NDST1: variants seen among roughly 807,000 people sequenced by gnomAD.
NDST1 encodes the protein bifunctional heparan sulfate N-deacetylase/N-sulfotransferase 1.
A neutral mutation model predicts 92.8 loss-of-function variants in NDST1; 35 were observed. The ratio of observed to expected loss-of-function variants is 0.38; its 90% CI spans 0.29 to 0.50. NDST1 has a LOEUF of 0.50. Among genes scored for constraint, NDST1 ranks in the 20% least tolerant of loss-of-function variants. The pLI, the probability that NDST1 is intolerant of heterozygous loss-of-function variation, is 0.94. For synonymous variants in NDST1, 493 were observed against 500.3 expected (o/e 0.99, Z 0.19); for missense variants, 822 against 1,182.7 (o/e 0.69, Z 4.47).
upstream of NDST1, among the ~76,000 whole-genome samples, chr5:150,505,631 T>C (rs113068968): frequency 2.6e-5 from 4 of 152,182 alleles, no homozygotes; most frequent in African/African-American, 7.2e-5. Context: ...TGACAGGTTA[T>C]CGATGGCAGG....
chr5:150,526,421 A>C (rs1174310022), intron 2 of NDST1, among the ~76,000 whole-genome samples: 1 of 152,222 alleles, frequency 6.6e-6, no homozygotes, highest in Non-Finnish European at 1.5e-5. Flanking sequence ...TGGAATGAAC[A>C]GATGAAACCT....
rs371020778 is a variant in NDST1 at position 150,534,980 on chromosome 5, G to A, written c.1210G>A (p.Val404Met). 31 of 1,614,136 alleles carry A rather than the reference G, an allele frequency of 1.9e-5. No homozygotes were observed. Among genetic ancestry groups the A allele is most frequent in the Non-Finnish European group, 2.3e-5 (27 of 1,180,056 alleles). Residue 404 changes from valine to methionine, a missense_variant, in exon 5 of 15, where the codon GTG becomes ATG. Val to Met is a conservative substitution (Grantham distance 21). Coordinates refer to ENST00000261797, the MANE Select transcript of NDST1 (RefSeq NM_001543.5). ...GCCCCACCTTTTCCACAACCAGTCCGTGTTGGCCGAGCAGATGGCCTTGAA... is the reference window on the plus strand; with the variant it reads ...GCCCCACCTTTTCCACAACCAGTCCATGTTGGCCGAGCAGATGGCCTTGAA... The part of the protein sequence containing the change: ...MQPHLFHNQS[V>M]LAEQMALNKK...
At chr5:150,540,644 T>C (rs936401544) in intron 8 of NDST1, among the ~76,000 whole-genome samples, 2 of 152,172 alleles carry the variant, frequency 1.3e-5, no homozygotes, top group African/African-American at 4.8e-5. Flanking sequence ...GGCGAAACCC[T>C]GTCTCTACAA....
intron 2 of NDST1, 68 bp from the exon 3 acceptor site, chr5:150,527,736 G>A (rs1462819430): frequency 3.1e-6 from 5 of 1,602,066 alleles, no homozygotes; most frequent in Non-Finnish European, 4.2e-6. Flanking sequence ...CCACATGTGA[G>A]AGACTGTGTC....
chr5:150,535,384 G>T lies in NDST1; in HGVS notation c.1252-316G>T, dbSNP rs998043591. 3.1e-5 allele frequency: 31 copies of T among 985,276 alleles called. No homozygotes were observed. In the African/African-American group the frequency reaches 5.1e-4, roughly 16 times the overall value. 61.0% of individuals were successfully genotyped at this position (985,276 alleles called of 1,614,324 possible). On this transcript the variant is annotated intron_variant, in intron 5 of 14. Coordinates refer to ENST00000261797, the MANE Select transcript of NDST1 (RefSeq NM_001543.5). The stretch of plus-strand genomic sequence containing the variant: ...ACGAGCCCTAGGTGCTAGGTAGAAT[G>T]AAGAGAAGGTAGGAAAGGCCCTCGT...
intron 2 of NDST1, among the ~76,000 whole-genome samples, chr5:150,525,817 C>T (rs1754450930): frequency 6.6e-6 from 1 of 152,186 alleles, no homozygotes. Flanking sequence ...CTGGGGGCCC[C>T]ACACATGACC....
chr5:150,502,316 A>G (rs1004601444), intron 1 of NDST1, among the ~76,000 whole-genome samples: 1 of 152,102 alleles, frequency 6.6e-6, no homozygotes, highest in African/African-American at 2.4e-5. Context: ...ATTTTGCAGG[A>G]TGAGCTGATG....
intron 4 of NDST1, among the ~76,000 whole-genome samples, chr5:150,533,887 A>G (rs1754861024): frequency 6.6e-6 from 1 of 151,892 alleles, no homozygotes; most frequent in African/African-American, 2.4e-5. Flanking sequence ...GTTCAGGACT[A>G]CCTTGGTCAA....
chr5:150,534,729 C>T, intron 4 of NDST1, 138 bp from the exon 5 acceptor site: 3 of 1,012,466 alleles, frequency 3.0e-6, no homozygotes, highest in Non-Finnish European at 1.5e-6. Context: ...TCTGTCTGCT[C>T]CTGTGCTGTA....
chr5:150,509,622 C>T (rs1753627138), intron 1 of NDST1, among the ~76,000 whole-genome samples: 1 of 152,184 alleles, frequency 6.6e-6, no homozygotes, highest in Non-Finnish European at 1.5e-5. Context: ...AAGCGATTCT[C>T]CTGCCTCAGC....
chr5:150,502,524 G>A (rs1753280308), intron 1 of NDST1, among the ~76,000 whole-genome samples: 1 of 152,096 alleles, frequency 6.6e-6, no homozygotes, highest in Admixed American at 6.5e-5. Flanking sequence ...TGGTGGGGGA[G>A]GGGCATGGTG....
chr5:150,552,122 G>T (rs576189963), intron 14 of NDST1, among the ~76,000 whole-genome samples: 1 of 152,292 alleles, frequency 6.6e-6, no homozygotes, highest in East Asian at 1.9e-4. Context: ...CTGCCTTCAA[G>T]GAACTCCTGG....
upstream of NDST1, among the ~76,000 whole-genome samples, chr5:150,507,266 C>T (rs992593796): frequency 1.2e-4 from 18 of 146,840 alleles, no homozygotes; most frequent in African/African-American, 4.0e-4. Context: ...ATAAACATAC[C>T]TTTTTTTTTT....
At chr5:150,517,455 G>GT (rs1291269659) in intron 1 of NDST1, among the ~76,000 whole-genome samples, 1 of 152,108 alleles carries the variant, frequency 6.6e-6, no homozygotes, top group Non-Finnish European at 1.5e-5. Context: ...TGGTAAATTT[G>GT]TTGCAACAGA....
In NDST1 at chr5:150,526,770, C is replaced by T. The variant is rs111465639; in HGVS notation, c.514-1034C>T. ...GGCCAAGAAGACGGAATGGAATTGGCACAGGAACAAGGACAAATTGTACCA... is the reference window on the plus strand; with the variant it reads ...GGCCAAGAAGACGGAATGGAATTGGTACAGGAACAAGGACAAATTGTACCA... On this transcript the variant is annotated intron_variant, in intron 2 of 14. Transcript: ENST00000261797. Among the ~76,000 whole-genome samples the T allele has an allele frequency of 4.1e-3, 620 of 152,236 alleles. 4 individuals are homozygous for T. Among genetic ancestry groups the T allele is most frequent in the African/African-American group, 0.014 (581 of 41,532 alleles).
chr5:150,528,298 G>A lies in NDST1; in HGVS notation c.1008G>A (p.Lys336=), dbSNP rs1754558277. 6.3e-7 allele frequency: 1 copy of A among 1,588,896 alleles called. No individual in the cohort carries two copies. The highest frequency in any genetic ancestry group is 1.1e-5 in the South Asian group (1 of 87,810). Residue 336 remains lysine (K), a splice_region_variant and synonymous_variant, in exon 3 of 15, where the codon AAG becomes AAA. Transcript: ENST00000261797. ...EGTRMKVEDV[K]ALFDTQNELR... ...CACGCATGAAGGTGGAGGACGTGAA[G>A]GTATGGCCGGGGGTGCTAGACCGGG...
intron 1 of NDST1, among the ~76,000 whole-genome samples, chr5:150,518,535 A>T (rs962409930): frequency 6.6e-6 from 1 of 152,188 alleles, no homozygotes; most frequent in East Asian, 1.9e-4. Flanking sequence ...TTTCACAAAC[A>T]AAAAGCGGAA....
chr5:150,543,073 C>T, intron 10 of NDST1, 102 bp downstream of exon 10: 3 of 1,459,824 alleles, frequency 2.1e-6, no homozygotes, highest in Non-Finnish European at 2.9e-6. Context: ...CTTGCTCACA[C>T]ACAGCTGTCA....
chr5:150,540,726 G>A (rs1755209692), intron 8 of NDST1, among the ~76,000 whole-genome samples: 1 of 152,120 alleles, frequency 6.6e-6, no homozygotes, highest in Non-Finnish European at 1.5e-5. Flanking sequence ...AGAGGTGGGA[G>A]GATCAGTTGA....
Sources: gnomAD v4.1 joint callset for allele counts (sites outside exome capture counted in the v4.1 genomes callset) on GRCh38, gnomAD v4.1.1 for gene constraint, MANE v1.5 for transcripts, NCBI Gene and HGNC (gene_info 2026-07-23, HGNC 2026-07-21) for gene names.